Variants in XKR6 observed in about 807,000 individuals in gnomAD.
The protein encoded by XKR6 is XK-related protein 6.
Under a neutral mutation model 56.7 loss-of-function variants are expected in XKR6, and 22 were observed. The observed-to-expected ratio is 0.39, with a 90% CI of 0.28 to 0.55. The LOEUF (loss-of-function observed/expected upper bound fraction) is 0.55, where lower values mean the gene tolerates loss of function less well. Ranked by LOEUF, XKR6 falls within the 20% of genes least tolerant of loss-of-function variation. XKR6 has a pLI of 0.66. For missense variants in XKR6, 852 were observed against 889.0 expected (o/e 0.96, Z 0.53); for synonymous variants, 524 against 387.8 (o/e 1.35, Z -4.13).
intron 1 of XKR6, among the ~76,000 whole-genome samples, chr8:10,939,880 C>T (rs1801337861): frequency 6.6e-6 from 1 of 152,214 alleles, no homozygotes; most frequent in African/African-American, 2.4e-5. Flanking sequence ...CTTCATTGTG[C>T]ATCTCCAGCT....
In XKR6 at chr8:10,897,078, T is replaced by C. The variant is rs1305102779; in HGVS notation, c.*874A>G. Reference sequence around the variant, plus strand: ...GAATTATTGCGGTGGCTTTTTGTTTTGTTCTGGTTTGCTTTTCACTGGGAA... The same window carrying C: ...GAATTATTGCGGTGGCTTTTTGTTTCGTTCTGGTTTGCTTTTCACTGGGAA... On this transcript the variant is annotated 3_prime_UTR_variant, in exon 3 of 3. Coordinates refer to ENST00000416569, the MANE Select transcript of XKR6 (RefSeq NM_173683.4). The C allele has an allele frequency of 1.3e-5, 2 of 152,660 alleles. No individual in the cohort carries two copies. The highest frequency in any genetic ancestry group is 2.1e-4 in the South Asian group (1 of 4,830). The allele number at this position is 152,660 out of a possible 1,614,324, so 9.5% of individuals were successfully genotyped here. A position where few individuals can be genotyped will look rare whatever the true frequency, so the allele number is the denominator to read the frequency against.
chr8:11,031,496 G>A (rs1008878104), intron 1 of XKR6, among the ~76,000 whole-genome samples: 12 of 152,338 alleles, frequency 7.9e-5, no homozygotes, highest in African/African-American at 2.6e-4. Flanking sequence ...GCCCACAGCA[G>A]AAAGAACCAC....
intron 1 of XKR6, among the ~76,000 whole-genome samples, chr8:10,964,178 C>T (rs1204600527): frequency 1.3e-5 from 2 of 152,198 alleles, no homozygotes; most frequent in East Asian, 3.8e-4. Context: ...GCAGGGGCTG[C>T]CTGAGCTTCT....
intron 1 of XKR6, among the ~76,000 whole-genome samples, chr8:11,198,646 G>A (rs1362615211): frequency 6.6e-6 from 1 of 152,148 alleles, no homozygotes; most frequent in African/African-American, 2.4e-5. Context: ...GTGAATGGAG[G>A]TGGGATTTTA....
At chr8:11,080,592 G>GC (rs1267995988) in intron 1 of XKR6, among the ~76,000 whole-genome samples, 41 of 168 alleles carry the variant, frequency 0.24, no homozygotes, top group Middle Eastern at 0.5. Context: ...AGTCTGGGCA[G>GC]GCCCCCAGGT....
intron 1 of XKR6, among the ~76,000 whole-genome samples, chr8:11,175,914 T>C (rs1400870466): frequency 1.3e-5 from 2 of 152,152 alleles, no homozygotes; most frequent in African/African-American, 4.8e-5. Flanking sequence ...AGAATACAGG[T>C]TAGCAACTTT....
At chr8:11,093,297 C>G (rs192907381) in intron 1 of XKR6, among the ~76,000 whole-genome samples, 48 of 152,296 alleles carry the variant, frequency 3.2e-4, no homozygotes, top group East Asian at 2.1e-3. Context: ...TCGGGTGATC[C>G]GCCCACCTCG....
rs758861550 is a variant in XKR6 at position 10,951,298 on chromosome 8, T to TGG, written c.765-26470_765-26469dup. Among the ~76,000 whole-genome samples, 78 of 84,700 alleles carry TGG rather than the reference T, an allele frequency of 9.2e-4. 2 individuals carry two copies. Among genetic ancestry groups the TGG allele is most frequent in the Middle Eastern group, 6.3e-3 (1 of 158 alleles). 55.6% of individuals were successfully genotyped at this position (84,700 alleles called of 152,430 possible). ...AGGGATAGAAAAGTGTGTGTGTGTG[T>TGG]GGGGGGGGGGGGCCCCCACAGTGGT... On this transcript the variant is annotated intron_variant, in intron 1 of 2. Transcript: ENST00000416569.
chr8:11,124,273 C>A (rs994686074), intron 1 of XKR6: 13 of 343,874 alleles, frequency 3.8e-5, no homozygotes, highest in African/African-American at 2.8e-4. Flanking sequence ...TTAGGCAAAA[C>A]ACAAACCAGG....
chr8:11,140,399 G>A lies in XKR6; in HGVS notation c.764+60177C>T, dbSNP rs28628125. 5.3e-3 allele frequency among the ~76,000 whole-genome samples: 814 copies of A among 152,258 alleles called. 6 individuals carry two copies. The highest frequency in any genetic ancestry group is 0.018 in the African/African-American group (766 of 41,550). On this transcript the variant is annotated intron_variant, in intron 1 of 2. Transcript: ENST00000416569. Reference sequence around the variant, plus strand: ...ATTAAGAAAAAGTCCTTTGGGTATCGAGGCAAAAAGACCACATGACTTACA... The same window carrying A: ...ATTAAGAAAAAGTCCTTTGGGTATCAAGGCAAAAAGACCACATGACTTACA...
chr8:10,945,873 C>G (rs973997697), intron 1 of XKR6, among the ~76,000 whole-genome samples: 1 of 152,150 alleles, frequency 6.6e-6, no homozygotes, highest in African/African-American at 2.4e-5. Flanking sequence ...ACTCCCAGCT[C>G]TGCTCCTCCC....
At chr8:11,167,016 G>A (rs530164099) in intron 1 of XKR6, among the ~76,000 whole-genome samples, 30 of 152,318 alleles carry the variant, frequency 2.0e-4, no homozygotes, top group Middle Eastern at 3.4e-3. Context: ...TGCCTGCAGC[G>A]TGTGTGGCGG....
chr8:11,083,014 C>T (rs951703368), intron 1 of XKR6, among the ~76,000 whole-genome samples: 11 of 152,224 alleles, frequency 7.2e-5, no homozygotes, highest in East Asian at 5.8e-4. Flanking sequence ...GCACAGGCAG[C>T]GCACAGCACT....
intron 1 of XKR6, among the ~76,000 whole-genome samples, chr8:10,982,652 T>C (rs1797761063): frequency 6.6e-6 from 1 of 152,314 alleles, no homozygotes; most frequent in African/African-American, 2.4e-5. Flanking sequence ...GATCGTTTTA[T>C]GAGAAAGTGA....
intron 2 of XKR6, among the ~76,000 whole-genome samples, chr8:10,907,140 G>A (rs1286987145): frequency 6.6e-6 from 1 of 152,194 alleles, no homozygotes; most frequent in East Asian, 1.9e-4. Flanking sequence ...ACAAATATGT[G>A]GCCGAGGAGA....
chr8:10,985,481 A>T (rs1033641573), intron 1 of XKR6, among the ~76,000 whole-genome samples: 2 of 152,088 alleles, frequency 1.3e-5, no homozygotes, highest in African/African-American at 4.8e-5. Context: ...GGTGTGTCTA[A>T]TTCTAAAGCT....
At chr8:11,085,476 G>C (rs1444636127) in intron 1 of XKR6, among the ~76,000 whole-genome samples, 1 of 152,140 alleles carries the variant, frequency 6.6e-6, no homozygotes, top group Non-Finnish European at 1.5e-5. Context: ...GCATGTGTGT[G>C]TGTGTGCATG....
At chr8:11,067,076 A>C (rs1053931220) in intron 1 of XKR6, 2 of 152,308 alleles carry the variant, frequency 1.3e-5, no homozygotes, top group Non-Finnish European at 2.9e-5. Context: ...GCTGTGCGAC[A>C]CTGCTTCATC....
At chr8:11,014,539 C>T (rs1409548235) in intron 1 of XKR6, among the ~76,000 whole-genome samples, 1 of 152,128 alleles carries the variant, frequency 6.6e-6, no homozygotes, top group African/African-American at 2.4e-5. Flanking sequence ...CCAGGAGGTG[C>T]AGGCAGGTTC....
Sources: gnomAD v4.1 joint callset for allele counts (sites outside exome capture counted in the v4.1 genomes callset) on GRCh38, gnomAD v4.1.1 for gene constraint, MANE v1.5 for transcripts, NCBI Gene and HGNC (gene_info 2026-07-23, HGNC 2026-07-21) for gene names.